FAM153A: variants seen among roughly 807,000 people sequenced by gnomAD.
FAM153A encodes protein FAM153A.
A neutral mutation model predicts 48.1 loss-of-function variants in FAM153A; 12 were observed. The observed-to-expected ratio is 0.25, with a 90% CI of 0.16 to 0.40. The LOEUF is 0.40. Ranked by LOEUF, FAM153A falls within the 10% of genes least tolerant of loss-of-function variation. The probability of loss-of-function intolerance (pLI) is 1.00; values close to 1 mark genes in which losing one functional copy is unlikely to be tolerated. For synonymous variants in FAM153A, 36 were observed against 118.2 expected, an observed-to-expected ratio of 0.30 and a Z score of 4.51; for missense variants, 111 against 345.8, an observed-to-expected ratio of 0.32 and a Z score of 5.38.
chr5:177,734,729 T>C, intron 13 of FAM153A, 134 bp downstream of exon 15: 1 of 1,443,510 alleles, frequency 6.9e-7, no homozygotes, highest in South Asian at 1.3e-5. Context: ...GGACAGACTC[T>C]CACTTACCAT....
chr5:177,736,339 C>T (rs988280520), intron 12 of FAM153A, among the ~76,000 whole-genome samples: 1 of 149,440 alleles, frequency 6.7e-6, no homozygotes, highest in Non-Finnish European at 1.5e-5. Flanking sequence ...TCTCCTCTGT[C>T]CCTCCCATCC....
At chr5:177,755,650 C>T (rs1435376652), upstream of FAM153A, among the ~76,000 whole-genome samples, 21 of 151,816 alleles carry the variant, frequency 1.4e-4, no homozygotes, top group Non-Finnish European at 2.6e-4. Flanking sequence ...GCATAAACTC[C>T]ACAAGCCAGA....
At chr5:177,705,647 TTTTTC>T (rs1326083916), downstream of FAM153A, among the ~76,000 whole-genome samples, 13 of 64,984 alleles carry the variant, frequency 2.0e-4, no homozygotes, top group Admixed American at 2.1e-3. Flanking sequence ...AACATTTTTC[TTTTTC>T]TTTTTCTTTT....
rs1311043476 is a variant in FAM153A, at chr5:177,753,129, C to T, written c.31+47G>A. 5.1e-6 allele frequency: 8 copies of T among 1,562,372 alleles called. No individual in the cohort carries two copies. In the East Asian group the frequency reaches 1.4e-4, roughly 27 times the overall value. On this transcript the variant is annotated intron_variant, in intron 1 of 20. Coordinates refer to ENST00000614127, the Ensembl canonical transcript of FAM153A. ...GACATTTAACATACAGGAAAACTGG[C>T]TCATCTGAAGAAATTGCAGTCAGAA...
chr5:177,716,996 TG>T (rs1327481774), intron 24 of FAM153A, among the ~76,000 whole-genome samples: 1 of 151,008 alleles, frequency 6.6e-6, no homozygotes, highest in African/African-American at 2.5e-5. Flanking sequence ...TGTGTGTGTG[TG>T]TGTAGAGTCT....
the FAM153A span, among the ~76,000 whole-genome samples, chr5:177,702,063 A>G: frequency 6.6e-6 from 1 of 151,512 alleles, no homozygotes; most frequent in Non-Finnish European, 1.5e-5. Flanking sequence ...GCCCGCCATC[A>G]CGCCCGGCTA....
intron 1 of FAM153A, among the ~76,000 whole-genome samples, chr5:177,762,201 C>CA (rs1768365285): frequency 3.0e-5 from 2 of 67,208 alleles, no homozygotes; most frequent in Admixed American, 3.1e-4. Flanking sequence ...CGGGGCCTCA[C>CA]ACTCATCCTT....
At chr5:177,706,990 G>T (rs1757936059), downstream of FAM153A, 1 of 151,946 alleles carries the variant, frequency 6.6e-6, no homozygotes, top group African/African-American at 2.4e-5. Context: ...GATCAATTCA[G>T]CAAGAAGGTA....
At chr5:177,741,549 C>T (rs1485305316) in intron 6 of FAM153A, among the ~76,000 whole-genome samples, 1 of 101,622 alleles carries the variant, frequency 9.8e-6, no homozygotes, top group African/African-American at 3.4e-5. Context: ...CAGACATGCA[C>T]TGCTGATGCC....
the FAM153A span, among the ~76,000 whole-genome samples, chr5:177,702,209 A>G: frequency 6.6e-6 from 1 of 151,754 alleles, no homozygotes. Flanking sequence ...CGCCTGGCCA[A>G]AGGTCACTTT....
chr5:177,705,773 C>T (rs1257128083), downstream of FAM153A, among the ~76,000 whole-genome samples: 1 of 148,846 alleles, frequency 6.7e-6, no homozygotes, highest in Admixed American at 6.7e-5. Flanking sequence ...CATTCTCCTG[C>T]CTCAGCCTCC....
At position 177,739,525 on chromosome 5, in the gene FAM153A, A is replaced by G. The variant is rs1765228262; in HGVS notation, c.537+75T>C. The G allele has an allele frequency of 2.9e-6, 3 of 1,052,304 alleles. 1 individual carries two copies. The highest frequency in any genetic ancestry group is 4.0e-6 in the Non-Finnish European group (3 of 756,848). 65.2% of individuals were successfully genotyped at this position (1,052,304 alleles called of 1,614,324 possible). A position where few individuals can be genotyped will look rare whatever the true frequency, so the allele number is the denominator to read the frequency against. On this transcript the variant is annotated intron_variant, in intron 9 of 20. Coordinates refer to ENST00000614127, the Ensembl canonical transcript of FAM153A. ...ATGTACATGGCAGTAAGATTTTCCT[A>G]TCTTTATTCAAGTGAAATTGAAAGA... is the stretch of plus-strand genomic sequence containing the variant.
downstream of FAM153A, chr5:177,706,768 C>T (rs1349206155): frequency 5.9e-5 from 9 of 151,948 alleles, no homozygotes; most frequent in South Asian, 1.9e-3. Context: ...AAGGCTTGAT[C>T]AGCATGTGGT....
At chr5:177,737,620 A>C (rs2127651203) in intron 10 of FAM153A, among the ~76,000 whole-genome samples, 1 of 151,508 alleles carries the variant, frequency 6.6e-6, no homozygotes, top group Admixed American at 6.5e-5. Flanking sequence ...TCCCAGGTTC[A>C]AGTGATTCTC....
At chr5:177,754,559 C>G (rs1387486412), upstream of FAM153A, among the ~76,000 whole-genome samples, 1 of 151,908 alleles carries the variant, frequency 6.6e-6, no homozygotes, top group Non-Finnish European at 1.5e-5. Flanking sequence ...CCCTGACCCC[C>G]AAGTAGCCTA....
chr5:177,769,815 C>A lies in FAM153A; in HGVS notation c.-57+10634G>T, dbSNP rs369737382. On this transcript the variant is annotated intron_variant, in intron 1 of 8. Coordinates refer to the FAM153A transcript ENST00000393518. ...AAAGATCACTCCTTTAAGAGCTTAT[C>A]CACTCGGAACCACGCCTCACATTCA... Among the ~76,000 whole-genome samples the A allele has an allele frequency of 7.2e-5, 7 of 96,714 alleles. 2 individuals are homozygous for A. The highest frequency in any genetic ancestry group is 4.3e-5 in the Non-Finnish European group (2 of 46,802). The allele number at this position is 96,714 out of a possible 152,430, so 63.4% of individuals were successfully genotyped here. A position where few individuals can be genotyped will look rare whatever the true frequency, so the allele number is the denominator to read the frequency against.
At chr5:177,713,235 G>A (rs908957260) in intron 26 of FAM153A, 4 of 150,246 alleles carry the variant, frequency 2.7e-5, no homozygotes, top group East Asian at 2.0e-4. Context: ...TGTTTCTTAC[G>A]TGTTTTCTTT....
intron 25 of FAM153A, among the ~76,000 whole-genome samples, chr5:177,715,141 C>T (rs962225337): frequency 4.0e-5 from 6 of 150,482 alleles, no homozygotes; most frequent in African/African-American, 1.5e-4. Context: ...CACATAGAAC[C>T]TCTTATTGCC....
exon 27 of FAM153A, chr5:177,712,940 C>A (rs1406065403): frequency 6.6e-6 from 1 of 151,902 alleles, no homozygotes; most frequent in East Asian, 1.9e-4. Flanking sequence ...GGTCCGCTCC[C>A]ATACACAAAC....
Sources: gnomAD v4.1 joint callset for allele counts (sites outside exome capture counted in the v4.1 genomes callset) on GRCh38, gnomAD v4.1.1 for gene constraint, MANE v1.5 for transcripts, NCBI Gene and HGNC (gene_info 2026-07-23, HGNC 2026-07-21) for gene names.